The following PRUNE2 variants were observed in gnomAD, a reference collection of about 807,000 sequenced individuals.
PRUNE2 encodes the protein protein prune homolog 2.
PRUNE2 carries 164 observed loss-of-function variants against 252.0 expected under a neutral mutation model. The ratio of observed to expected loss-of-function variants is 0.65; its 90% CI spans 0.57 to 0.74. The LOEUF (loss-of-function observed/expected upper bound fraction) is 0.74, where lower values mean the gene tolerates loss of function less well. Among genes scored for constraint, PRUNE2 ranks in the 30% least tolerant of loss-of-function variants. The pLI, the probability that PRUNE2 is intolerant of heterozygous loss-of-function variation, is 0.00. For synonymous variants in PRUNE2, 1,292 were observed against 1,350.2 expected (o/e 0.96, Z 0.94); for missense variants, 3,495 against 3,711.0 (o/e 0.94, Z 1.51).
intron 6 of PRUNE2, among the ~76,000 whole-genome samples, chr9:76,772,010 G>A (rs1366742490): frequency 1.3e-5 from 2 of 152,162 alleles, no homozygotes; most frequent in African/African-American, 2.4e-5. Flanking sequence ...TTGCCTATAC[G>A]AAGTCCGAGA....
At chr9:76,669,845 C>T (rs1032554005) in intron 9 of PRUNE2, among the ~76,000 whole-genome samples, 7 of 152,312 alleles carry the variant, frequency 4.6e-5, no homozygotes, top group South Asian at 2.1e-4. Flanking sequence ...TCACTCCTCC[C>T]GAGTCTTCTG....
At chr9:76,624,601 T>C in intron 16 of PRUNE2, 111 bp from the exon 17 acceptor site, 1 of 651,384 alleles carries the variant, frequency 1.5e-6, no homozygotes, top group Non-Finnish European at 2.3e-6. Context: ...ATATGTGCTT[T>C]TCGAAACTGT....
At chr9:76,668,765 G>A (rs1351962957) in intron 9 of PRUNE2, among the ~76,000 whole-genome samples, 2 of 151,786 alleles carry the variant, frequency 1.3e-5, no homozygotes, top group African/African-American at 4.8e-5. Flanking sequence ...CTCAGCTCCT[G>A]GCACTGCCTC....
chr9:76,778,758 G>A (rs948453256), intron 6 of PRUNE2: 2 of 152,190 alleles, frequency 1.3e-5, no homozygotes, highest in African/African-American at 4.8e-5. Flanking sequence ...CAGGTGCCTA[G>A]AACAATGCCC....
chr9:76,839,698 T>C, intron 4 of PRUNE2, among the ~76,000 whole-genome samples: 1 of 152,022 alleles, frequency 6.6e-6, no homozygotes, highest in Non-Finnish European at 1.5e-5. Flanking sequence ...TGGCAATAGG[T>C]TTTATGGAGG....
chr9:76,837,163 G>T (rs1055312832), intron 4 of PRUNE2, among the ~76,000 whole-genome samples: 2 of 152,098 alleles, frequency 1.3e-5, no homozygotes, highest in Non-Finnish European at 2.9e-5. Flanking sequence ...GAAGTTATTG[G>T]CCGGGCACAG....
In PRUNE2 at chr9:76,849,687, G is replaced by A. The variant is rs535096140; in HGVS notation, c.344+776C>T. On this transcript the variant is annotated intron_variant, in intron 3 of 18. Transcript: ENST00000376718. ...CTAAAACTACAAAAATCAGCCAGGC[G>A]TGGTGGTGAGTGCCTGTAATCCTAG... 9.2e-5 allele frequency among the ~76,000 whole-genome samples: 14 copies of A among 152,150 alleles called. No homozygotes were observed. In the South Asian group the frequency reaches 2.5e-3, roughly 27 times the overall value.
At chr9:76,642,885 C>G (rs1008276307) in intron 12 of PRUNE2, among the ~76,000 whole-genome samples, 3 of 152,174 alleles carry the variant, frequency 2.0e-5, no homozygotes, top group Non-Finnish European at 4.4e-5. Context: ...CAGGCTGGTG[C>G]CTGGAGAGGG....
intron 4 of PRUNE2, among the ~76,000 whole-genome samples, chr9:76,834,356 A>G (rs1278843155): frequency 6.6e-6 from 1 of 152,238 alleles, no homozygotes; most frequent in Non-Finnish European, 1.5e-5. Context: ...AGAATCTACA[A>G]ATGAACTCAG....
intron 6 of PRUNE2, among the ~76,000 whole-genome samples, chr9:76,719,120 TTA>T (rs903902523): frequency 1.6e-4 from 25 of 151,694 alleles, no homozygotes; most frequent in African/African-American, 6.1e-4. Flanking sequence ...CAGCTTTATT[TTA>T]TTTTTTTTCC....
chr9:76,735,623 G>C (rs2135482617), intron 6 of PRUNE2, among the ~76,000 whole-genome samples: 1 of 152,174 alleles, frequency 6.6e-6, no homozygotes, highest in African/African-American at 2.4e-5. Context: ...AGCCTAAGAA[G>C]CTTCCATCAA....
chr9:76,664,398 G>A (rs370151829), intron 9 of PRUNE2, among the ~76,000 whole-genome samples: 5 of 152,158 alleles, frequency 3.3e-5, no homozygotes, highest in Middle Eastern at 3.2e-3. Flanking sequence ...TGTCTTGATG[G>A]CAACTTAACA....
rs778039929 is a variant in PRUNE2, at chr9:76,850,513, A to C, written c.294T>G (p.Asn98Lys). The change falls in exon 3 of 19, where the codon AAT becomes AAG. Residue 98 changes from asparagine to lysine, a missense_variant. Transcript: ENST00000376718. ...GTGTTATCGATAACTTCCCTTCATC[A>C]TTTAGCTGATGCAGGTTAATTTCAT... ...FRDEINLHQL[N>K]DEGKLSITLV... 1 of 1,614,072 alleles carries C rather than the reference A, an allele frequency of 6.2e-7. No homozygotes were observed. The highest frequency in any genetic ancestry group is 8.5e-7 in the Non-Finnish European group (1 of 1,179,968).
intron 12 of PRUNE2, among the ~76,000 whole-genome samples, chr9:76,638,951 C>G (rs2132677726): frequency 6.6e-6 from 1 of 152,220 alleles, no homozygotes; most frequent in East Asian, 1.9e-4. Flanking sequence ...ATTTTACTAC[C>G]ATGTAATCAC....
At chr9:76,761,732 T>C (rs1252074751) in intron 6 of PRUNE2, among the ~76,000 whole-genome samples, 1 of 152,228 alleles carries the variant, frequency 6.6e-6, no homozygotes, top group African/African-American at 2.4e-5. Flanking sequence ...TTTAAAATAC[T>C]TCATTCAACA....
intron 15 of PRUNE2, among the ~76,000 whole-genome samples, chr9:76,633,389 G>A (rs142898265): frequency 4.0e-5 from 6 of 151,470 alleles, no homozygotes; most frequent in East Asian, 3.9e-4. Context: ...AAGACCAGCC[G>A]GGGAAACATG....
At chr9:76,836,850 A>G (rs2059010792) in intron 4 of PRUNE2, among the ~76,000 whole-genome samples, 1 of 152,196 alleles carries the variant, frequency 6.6e-6, no homozygotes, top group Non-Finnish European at 1.5e-5. Flanking sequence ...ACATTATTAG[A>G]AAAACACAAG....
intron 18 of PRUNE2, among the ~76,000 whole-genome samples, chr9:76,618,818 T>G (rs1830804423): frequency 6.6e-6 from 1 of 152,228 alleles, no homozygotes; most frequent in South Asian, 2.1e-4. Flanking sequence ...GTGAAGCTTT[T>G]TACAGTCTGG....
At chr9:76,637,689 T>C in intron 13 of PRUNE2, 140 bp from the exon 14 acceptor site, 1 of 686,532 alleles carries the variant, frequency 1.5e-6, no homozygotes, top group Non-Finnish European at 2.4e-6. Context: ...AGAATACAAT[T>C]ACCTAAGAGC....
Sources: gnomAD v4.1 joint callset for allele counts (sites outside exome capture counted in the v4.1 genomes callset) on GRCh38, gnomAD v4.1.1 for gene constraint, MANE v1.5 for transcripts, NCBI Gene and HGNC (gene_info 2026-07-23, HGNC 2026-07-21) for gene names.